TMC7: variants seen among roughly 807,000 people sequenced by gnomAD.
TMC7 encodes the protein transmembrane channel-like protein 7.
TMC7 carries 54 observed loss-of-function variants against 82.9 expected under a neutral mutation model. The ratio of observed to expected loss-of-function variants is 0.65; its 90% CI spans 0.52 to 0.82. The LOEUF is 0.82. Among genes scored for constraint, TMC7 ranks in the 40% least tolerant of loss-of-function variants. The probability of loss-of-function intolerance (pLI) is 0.00; values close to 1 mark genes in which losing one functional copy is unlikely to be tolerated. For missense variants in TMC7, 820 were observed against 901.2 expected (o/e 0.91, Z 1.15); for synonymous variants, 350 against 337.9 (o/e 1.04, Z -0.39).
chr16:19,012,883 C>G (rs1959451794), intron 2 of TMC7, among the ~76,000 whole-genome samples: 1 of 144,904 alleles, frequency 6.9e-6, no homozygotes, highest in Admixed American at 6.9e-5. Context: ...GAGACGGGAT[C>G]TCGGCTCACT....
chr16:18,998,130 A>T (rs1449531608), intron 1 of TMC7, among the ~76,000 whole-genome samples: 2 of 152,166 alleles, frequency 1.3e-5, no homozygotes, highest in Non-Finnish European at 2.9e-5. Flanking sequence ...GACAAAGCTG[A>T]GTAATTGCAA....
intron 2 of TMC7, chr16:19,012,111 A>G (rs574166678): frequency 1.1e-3 from 153 of 141,574 alleles, no homozygotes; most frequent in African/African-American, 3.8e-3. Flanking sequence ...GTCTGGGTGA[A>G]AAAGTGAGAT....
chr16:19,056,519 C>T, intron 13 of TMC7, 23 bp from the exon 14 acceptor site: 2 of 1,608,752 alleles, frequency 1.2e-6, no homozygotes, highest in African/African-American at 1.3e-5. Context: ...TCCTTCTGAG[C>T]CCGTTGGTCT....
intron 13 of TMC7, among the ~76,000 whole-genome samples, chr16:19,053,161 C>T (rs1162055870): frequency 1.3e-5 from 2 of 152,090 alleles, no homozygotes; most frequent in Non-Finnish European, 2.9e-5. Flanking sequence ...ACCTCTTATT[C>T]TCACTCTCCA....
At chr16:19,049,645 G>A in intron 12 of TMC7, 2 of 985,332 alleles carry the variant, frequency 2.0e-6, no homozygotes, top group Non-Finnish European at 2.4e-6. Flanking sequence ...GCAGTGTGTA[G>A]CATAGTACAG....
intron 13 of TMC7, among the ~76,000 whole-genome samples, chr16:19,053,712 A>C (rs985139082): frequency 4.6e-5 from 7 of 150,796 alleles, no homozygotes; most frequent in Admixed American, 4.6e-4. Context: ...CTGATTTTTT[A>C]AAATAGGAAA....
intron 13 of TMC7, among the ~76,000 whole-genome samples, chr16:19,053,946 G>A (rs1212187343): frequency 6.7e-6 from 1 of 150,108 alleles, no homozygotes; most frequent in East Asian, 2.0e-4. Flanking sequence ...ACCTCTCAAA[G>A]CACTGGGATT....
intron 1 of TMC7, among the ~76,000 whole-genome samples, chr16:18,995,652 G>T (rs1226522331): frequency 6.6e-6 from 1 of 152,186 alleles, no homozygotes; most frequent in Non-Finnish European, 1.5e-5. Context: ...CAGACGTTTT[G>T]AAGTTCTTGT....
At chr16:19,023,589 C>T (rs113558685) in intron 5 of TMC7, among the ~76,000 whole-genome samples, 4 of 152,150 alleles carry the variant, frequency 2.6e-5, no homozygotes, top group Non-Finnish European at 4.4e-5. Flanking sequence ...TGGAATTACA[C>T]GTGTGTGCCA....
At chr16:19,040,052 G>A (rs1165162451) in intron 8 of TMC7, among the ~76,000 whole-genome samples, 5 of 138,010 alleles carry the variant, frequency 3.6e-5, no homozygotes, top group African/African-American at 1.3e-4. Context: ...GGAGACGGAG[G>A]TTGCAGTGAG....
intron 2 of TMC7, among the ~76,000 whole-genome samples, chr16:19,013,060 G>A (rs1434668233): frequency 2.6e-5 from 4 of 151,264 alleles, no homozygotes; most frequent in Non-Finnish European, 4.4e-5. Flanking sequence ...CAGGTGATCC[G>A]CCTGCCTTGG....
chr16:19,009,956 AAG>A (rs957971549), intron 2 of TMC7, among the ~76,000 whole-genome samples: 3 of 150,926 alleles, frequency 2.0e-5, no homozygotes, highest in Non-Finnish European at 3.0e-5. Context: ...AAAAAAAAAA[AAG>A]AAGTTTCTTT....
chr16:19,016,383 C>T, intron 2 of TMC7, 67 bp from the exon 3 acceptor site: 3 of 1,592,004 alleles, frequency 1.9e-6, no homozygotes, highest in Non-Finnish European at 2.6e-6. Flanking sequence ...AGCTACTGTG[C>T]CAGGCTGGGA....
At chr16:19,030,437 C>A (rs1960462958) in intron 6 of TMC7, 68 bp downstream of exon 6, 2 of 1,522,774 alleles carry the variant, frequency 1.3e-6, no homozygotes, top group Admixed American at 4.2e-5. Flanking sequence ...GATATGGGAG[C>A]TCTGGAAGCC....
intron 5 of TMC7, among the ~76,000 whole-genome samples, chr16:19,027,579 C>CT (rs1374795167): frequency 2.0e-5 from 3 of 152,144 alleles, no homozygotes; most frequent in African/African-American, 7.2e-5. Context: ...GACCTTTCCC[C>CT]TGTAATTGTT....
At chr16:19,037,332 GA>G (rs1960792402) in intron 7 of TMC7, among the ~76,000 whole-genome samples, 1 of 144,184 alleles carries the variant, frequency 6.9e-6, no homozygotes, top group South Asian at 2.2e-4. Flanking sequence ...AGGTTGCAGT[GA>G]GCCGAGATTG....
rs560841941 is a variant in TMC7 at position 19,059,641 on chromosome 16, G to T, written c.2106+147G>T. On this transcript the variant is annotated intron_variant, in intron 15 of 15. Coordinates refer to ENST00000304381, the MANE Select transcript of TMC7 (RefSeq NM_024847.4). ...CAAAACTCTGCCTTGAGGCCCAGCC[G>T]CGTCCAGCTTCATTAATTCACTGAT... 4.5e-6 allele frequency: 7 copies of T among 1,560,282 alleles called. No homozygotes were observed. In the African/African-American group the frequency reaches 5.4e-5, roughly 12 times the overall value.
At chr16:19,033,310 CA>C (rs1430278319) in intron 6 of TMC7, among the ~76,000 whole-genome samples, 1 of 152,100 alleles carries the variant, frequency 6.6e-6, no homozygotes, top group Non-Finnish European at 1.5e-5. Flanking sequence ...ATCAAAGTAG[CA>C]CCAGTTCTGC....
chr16:19,038,041 G>GA lies in TMC7; in HGVS notation c.1178dup (p.Glu394GlyfsTer39). 1 of 1,612,308 alleles carries GA rather than the reference G, an allele frequency of 6.2e-7. No individual in the cohort carries two copies. Among genetic ancestry groups the GA allele is most frequent in the African/African-American group, 1.3e-5 (1 of 74,924 alleles). ...CAACTGTCTTCTCGCAAGAGCACATGAAAAAGGTAAATTAACTTGTACTCT... is the reference window on the plus strand; with the variant it reads ...CAACTGTCTTCTCGCAAGAGCACATGAAAAAAGGTAAATTAACTTGTACTCT... On this transcript the variant is annotated frameshift_variant, in exon 8 of 16. Transcript: ENST00000304381. LOFTEE classifies it high-confidence loss of function.
Sources: allele counts gnomAD v4.1 joint callset (sites outside exome capture counted in the v4.1 genomes callset), GRCh38; gene constraint gnomAD v4.1.1; transcripts MANE v1.5; gene names NCBI Gene and HGNC (gene_info 2026-07-23, HGNC 2026-07-21).